ZNF320: variants seen among roughly 807,000 people sequenced by gnomAD.
ZNF320 encodes zinc finger protein 320, also known as zinc finger gene 320.
A neutral mutation model predicts 6.8 loss-of-function variants in ZNF320; 2 were observed. The ratio of observed to expected loss-of-function variants is 0.29; its 90% confidence interval spans 0.12 to 0.93. The LOEUF is 0.93. Ranked by LOEUF, ZNF320 falls within the 40% of genes least tolerant of loss-of-function variation. ZNF320 has a pLI of 0.55. For synonymous variants in ZNF320, 208 were observed against 203.2 expected (o/e 1.02, Z -0.20); for missense variants, 472 against 611.0 (o/e 0.77, Z 2.40).
rs1405700246 is a variant in ZNF320, at chr19:52,865,774, TA to T, written c.224-1616del. 8.9e-4 allele frequency among the ~76,000 whole-genome samples: 111 copies of T among 124,982 alleles called. 1 individual carries two copies. Among genetic ancestry groups the T allele is most frequent in the Middle Eastern group, 7.1e-3 (1 of 140 alleles). 82.0% of individuals were successfully genotyped at this position (124,982 alleles called of 152,430 possible). A position where few individuals can be genotyped will look rare whatever the true frequency, so the allele number is the denominator to read the frequency against. On this transcript the variant is annotated intron_variant, in intron 5 of 5. Coordinates refer to the ZNF320 transcript ENST00000673631. Reference sequence around the variant, plus strand: ...ATTTATATATATGATTATACACATATATTTATATATATGATTATACACATAT... The same window carrying T: ...ATTTATATATATGATTATACACATATTTTATATATATGATTATACACATAT...
Position 52,876,923 on chromosome 19 carries a change from A to G in ZNF320, c.*3673T>C. On this transcript the variant is annotated 3_prime_UTR_variant, in exon 6 of 6. Coordinates refer to ENST00000682928, the MANE Select transcript of ZNF320 (RefSeq NM_001351774.2). ...GGAATTCAAGACCAGCTCGGGCAAC[A>G]TGGTGAAAGCCCATCTCTACTAGGA... The G allele has an allele frequency of 6.6e-6, 1 of 152,172 alleles. No homozygotes were observed. The highest frequency in any genetic ancestry group is 1.9e-4 in the East Asian group (1 of 5,180). The allele number at this position is 152,172 out of a possible 1,614,324, so 9.4% of individuals were successfully genotyped here.
Position 52,880,620 on chromosome 19 carries a change from A to G in ZNF320, c.1506T>C (p.Tyr502=). ...GTCAATTAATGCTTGATGGTTTGCT[A>G]TACTCATTGCACTTGAAACAATTGT... ...FGDNCFKCNE[Y]SKPSSIN Residue 502 remains tyrosine (Y), a synonymous_variant, in exon 6 of 6, where the codon TAT becomes TAC. Transcript: ENST00000682928. The G allele has an allele frequency of 1.9e-6, 3 of 1,610,870 alleles. No homozygotes were observed. The highest frequency in any genetic ancestry group is 2.5e-6 in the Non-Finnish European group (3 of 1,178,524).
At chr19:52,894,185 G>C (rs1174651455) in intron 1 of ZNF320, 2 of 151,846 alleles carry the variant, frequency 1.3e-5, no homozygotes, top group African/African-American at 2.4e-5. Flanking sequence ...CGAGTTCAGA[G>C]AACAGTCTGG....
intron 3 of ZNF320, 174 bp from the exon 4 acceptor site, chr19:52,890,502 C>CCA (rs2064253111): frequency 1.9e-6 from 1 of 533,988 alleles, no homozygotes; most frequent in African/African-American, 1.9e-5. Context: ...CTGGAGGAGT[C>CCA]CACACACACG....
exon 6 of ZNF320, among the ~76,000 whole-genome samples, chr19:52,863,610 G>GA (rs528252648): frequency 0.038 from 4,071 of 108,088 alleles, 168 homozygotes; most frequent in African/African-American, 0.12. Flanking sequence ...CTCAAAAAAG[G>GA]AAAAAAAAAA....
rs765388372 is a variant in ZNF320 at position 52,890,224 on chromosome 19, C to G, written c.15+17G>C. On this transcript the variant is annotated intron_variant, in intron 4 of 5. Coordinates refer to ENST00000682928, the MANE Select transcript of ZNF320 (RefSeq NM_001351774.2). ...AAAGGAAGGAGACAGAACAATCCAC[C>G]GAGAATATCATCTCACCTGAGAAAG... is the stretch of plus-strand genomic sequence containing the variant. The G allele has an allele frequency of 3.1e-6, 5 of 1,606,828 alleles. No homozygotes were observed. Among genetic ancestry groups the G allele is most frequent in the African/African-American group, 1.3e-5 (1 of 74,952 alleles).
At chr19:52,870,544 G>C (rs2063662567) in intron 5 of ZNF320, among the ~76,000 whole-genome samples, 1 of 144,532 alleles carries the variant, frequency 6.9e-6, no homozygotes, top group Admixed American at 6.8e-5. Flanking sequence ...AAAACTTATG[G>C]CAAATGTTGT....
chr19:52,872,656 C>A (rs540427296), downstream of ZNF320, among the ~76,000 whole-genome samples: 1 of 152,142 alleles, frequency 6.6e-6, no homozygotes, highest in Non-Finnish European at 1.5e-5. Flanking sequence ...TGCCCACCAC[C>A]GGGCCCGGCT....
chr19:52,871,831 A>G (rs759281783), downstream of ZNF320, among the ~76,000 whole-genome samples: 8 of 152,234 alleles, frequency 5.3e-5, no homozygotes, highest in Non-Finnish European at 1.2e-4. Flanking sequence ...AATCCAGCCC[A>G]TCCTTCAACA....
upstream of ZNF320, among the ~76,000 whole-genome samples, chr19:52,897,890 G>A (rs2064523987): frequency 6.6e-6 from 1 of 152,280 alleles, no homozygotes; most frequent in African/African-American, 2.4e-5. Flanking sequence ...AAGCGGGTGG[G>A]TCCTGAGCTT....
downstream of ZNF320, among the ~76,000 whole-genome samples, chr19:52,859,728 C>T (rs2063475455): frequency 6.6e-6 from 1 of 152,086 alleles, no homozygotes; most frequent in Non-Finnish European, 1.5e-5. Flanking sequence ...TTTATCACTC[C>T]GTAAGAAGGG....
chr19:52,894,129 T>G (rs2064396606), intron 1 of ZNF320: 1 of 152,190 alleles, frequency 6.6e-6, no homozygotes, highest in Non-Finnish European at 1.5e-5. Context: ...CTCACACCTG[T>G]AATCCCAGGA....
chr19:52,887,577 G>A (rs2064134556), intron 5 of ZNF320, among the ~76,000 whole-genome samples: 1 of 152,110 alleles, frequency 6.6e-6, no homozygotes. Flanking sequence ...TATGTTTAAA[G>A]TCTACCATAA....
At chr19:52,902,234 TG>T (rs1253954855), upstream of ZNF320, among the ~76,000 whole-genome samples, 1 of 152,212 alleles carries the variant, frequency 6.6e-6, no homozygotes, top group Non-Finnish European at 1.5e-5. Context: ...ATACAAGAAG[TG>T]AACTTAGTAT....
intron 5 of ZNF320, among the ~76,000 whole-genome samples, chr19:52,885,355 C>T (rs530825711): frequency 2.0e-5 from 3 of 151,938 alleles, no homozygotes; most frequent in South Asian, 2.1e-4. Context: ...GCAAGCCAGG[C>T]GGATCACCTG....
exon 6 of ZNF320, chr19:52,861,954 A>T (rs565609655): frequency 2.6e-4 from 93 of 364,492 alleles, no homozygotes; most frequent in Middle Eastern, 1.2e-3. Context: ...GAATTCTCCT[A>T]TGTTTTGCCT....
At chr19:52,904,128 T>TC in the ZNF320 span, among the ~76,000 whole-genome samples, 1 of 152,250 alleles carries the variant, frequency 6.6e-6, no homozygotes, top group South Asian at 2.1e-4. Context: ...ATGTCTGGAC[T>TC]CCAAGTGCCA....
At chr19:52,886,990 G>GAAGGAAGGAAGC (rs2064105057) in intron 5 of ZNF320, among the ~76,000 whole-genome samples, 1 of 78,686 alleles carries the variant, frequency 1.3e-5, no homozygotes, top group African/African-American at 5.1e-5. Context: ...AGGAAGGAAG[G>GAAGGAAGGAAGC]AAGGAAGGAA....
upstream of ZNF320, among the ~76,000 whole-genome samples, chr19:52,902,389 C>A (rs1335591146): frequency 6.6e-6 from 1 of 152,236 alleles, no homozygotes; most frequent in Non-Finnish European, 1.5e-5. Context: ...ACAGGACCAC[C>A]TTAGTGGAAG....
Sources: gnomAD v4.1 joint callset for allele counts (sites outside exome capture counted in the v4.1 genomes callset) on GRCh38, gnomAD v4.1.1 for gene constraint, MANE v1.5 for transcripts, NCBI Gene and HGNC (gene_info 2026-07-23, HGNC 2026-07-21) for gene names.